NONO: variants seen among roughly 807,000 people sequenced by gnomAD.
NONO encodes the protein non-POU domain-containing octamer-binding protein.
A neutral mutation model predicts 40.2 loss-of-function variants in NONO; 6 were observed. The ratio of observed to expected loss-of-function variants is 0.15; its 90% CI spans 0.08 to 0.29. The LOEUF (loss-of-function observed/expected upper bound fraction) is 0.29. Among genes scored for constraint, NONO ranks in the 10% least tolerant of loss-of-function variants. The pLI, the probability that NONO is intolerant of heterozygous loss-of-function variation, is 1.00. For synonymous variants in NONO, 89 were observed against 123.3 expected, an observed-to-expected ratio of 0.72 and a Z score of 1.85; for missense variants, 133 against 397.8, an observed-to-expected ratio of 0.33 and a Z score of 5.66.
chrX:71,300,275 T>G lies in NONO; in HGVS notation c.*199T>G, dbSNP rs2031550545. 2.2e-6 allele frequency: 1 copy of G among 452,448 alleles called. No individual in the cohort carries two copies. The highest frequency in any genetic ancestry group is 3.8e-6 in the Non-Finnish European group (1 of 263,238). The allele number at this position is 452,448 out of a possible 1,213,427, so 37.3% of individuals were successfully genotyped here. A position where few individuals can be genotyped will look rare whatever the true frequency, so the allele number is the denominator to read the frequency against. On this transcript the variant is annotated 3_prime_UTR_variant, in exon 12 of 12. Transcript: ENST00000276079. Reference sequence around the variant, plus strand: ...CAAGTCAATTCTGTGTGGTATATTGTTTAATCAGTTCTGTGTGGTGCATTC... The same window carrying G: ...CAAGTCAATTCTGTGTGGTATATTGGTTAATCAGTTCTGTGTGGTGCATTC...
chrX:71,292,053 G>C, intron 4 of NONO, 81 bp downstream of exon 4: 2 of 670,178 alleles, frequency 3.0e-6, no homozygotes, highest in Non-Finnish European at 4.4e-6. Context: ...AATAGGCAGT[G>C]GAAATAATTC....
rs938774543 is a variant in NONO, at chrX:71,283,701, G to T, written c.-87G>T. 1 of 111,413 alleles carries T rather than the reference G, an allele frequency of 9.0e-6. No individual in the cohort carries two copies. The highest frequency in any genetic ancestry group is 1.9e-5 in the Non-Finnish European group (1 of 52,972). The allele number at this position is 111,413 out of a possible 1,213,427, so 9.2% of individuals were successfully genotyped here. ...CCGTGTAGCGTCGCCGTTACTCCGAGGAGATACCAGTCGGTAGAGGGTGAG... is the reference window on the plus strand; with the variant it reads ...CCGTGTAGCGTCGCCGTTACTCCGATGAGATACCAGTCGGTAGAGGGTGAG... On this transcript the variant is annotated 5_prime_UTR_variant, in exon 1 of 12. It adds an upstream start codon to the 5' untranslated region. Transcript: ENST00000276079.
rs1275698961 is a variant in NONO at position 71,300,722 on chromosome X, C to G, written c.*646C>G. ...CTTAGCCCCATTGCTCCATTCACTC[C>G]CAGGTGAGAATTCAGGCAAACGTCC... On this transcript the variant is annotated 3_prime_UTR_variant, in exon 12 of 12. Coordinates refer to ENST00000276079, the MANE Select transcript of NONO (RefSeq NM_007363.5). The G allele has an allele frequency of 5.7e-6, 1 of 175,601 alleles. No homozygotes were observed. The highest frequency in any genetic ancestry group is 1.1e-5 in the Non-Finnish European group (1 of 92,318). 14.5% of individuals were successfully genotyped at this position (175,601 alleles called of 1,213,427 possible).
At chrX:71,299,141 CG>C (rs1417144953) in intron 11 of NONO, among the ~76,000 whole-genome samples, 3 of 111,617 alleles carry the variant, frequency 2.7e-5, no homozygotes, top group Admixed American at 9.5e-5. Flanking sequence ...AGGCTGGTCT[CG>C]AACTCCTGAC....
Position 71,294,455 on chromosome X carries a change from G to A in NONO, c.577G>A (p.Val193Ile). 8.3e-7 allele frequency: 1 copy of A among 1,212,026 alleles called. No homozygotes were observed. Among genetic ancestry groups the A allele is most frequent in the Non-Finnish European group, 1.1e-6 (1 of 895,533 alleles). The change falls in exon 5 of 12, where the codon GTT becomes ATT. Residue 193 changes from valine to isoleucine, a missense_variant. Coordinates refer to ENST00000276079, the MANE Select transcript of NONO (RefSeq NM_007363.5). Reference sequence around the variant, plus strand: ...AGGAAGGCCCTCAGGAAAAGGCATTGTTGAGTTCTCAGGGAAGCCAGCTGC... The same window carrying A: ...AGGAAGGCCCTCAGGAAAAGGCATTATTGAGTTCTCAGGGAAGCCAGCTGC... ...DRGRPSGKGI[V>I]EFSGKPAARK...
chrX:71,294,163 T>G, intron 4 of NONO, 64 bp from the exon 5 acceptor site: 10 of 1,076,406 alleles, frequency 9.3e-6, no homozygotes, highest in Non-Finnish European at 1.3e-5. Context: ...TGCTTTAGAC[T>G]GTTGATGGCT....
At chrX:71,299,232 T>TCTTG (rs1343231317) in intron 11 of NONO, among the ~76,000 whole-genome samples, 1 of 112,381 alleles carries the variant, frequency 8.9e-6, no homozygotes, top group Non-Finnish European at 1.9e-5. Context: ...GTCAGGCTGT[T>TCTTG]CTTGAACTCC....
intron 3 of NONO, 96 bp downstream of exon 3, chrX:71,290,887 C>A: frequency 2.2e-6 from 2 of 908,963 alleles, no homozygotes; most frequent in Non-Finnish European, 3.0e-6. Flanking sequence ...AGGGAATAGG[C>A]CTTTATGGCA....
intron 2 of NONO, among the ~76,000 whole-genome samples, chrX:71,285,675 A>G (rs2031172816): frequency 8.9e-6 from 1 of 112,164 alleles, no homozygotes; most frequent in Admixed American, 9.5e-5. Context: ...CATTAGCAGA[A>G]ATGAGGAAAC....
intron 3 of NONO, 35 bp downstream of exon 3, chrX:71,290,826 T>G: frequency 1.8e-6 from 2 of 1,101,560 alleles, no homozygotes; most frequent in Admixed American, 3.7e-5. Context: ...TAGAAATGGA[T>G]TCCCTCTGGG....
At position 71,300,525 on chromosome X, in the gene NONO, C is replaced by A. The variant is rs2031560382; in HGVS notation, c.*449C>A. The A allele has an allele frequency of 4.8e-6, 1 of 207,519 alleles. No homozygotes were observed. The highest frequency in any genetic ancestry group is 8.8e-6 in the Non-Finnish European group (1 of 113,640). 17.1% of individuals were successfully genotyped at this position (207,519 alleles called of 1,213,427 possible). On this transcript the variant is annotated 3_prime_UTR_variant, in exon 12 of 12. Coordinates refer to ENST00000276079, the MANE Select transcript of NONO (RefSeq NM_007363.5). ...TCTGCCTCCCGGGTTCAAGCTTGTC[C>A]AGGTTGATCTTGAACTCCTGACCTC...
At chrX:71,289,669 A>G (rs924701888) in intron 2 of NONO, among the ~76,000 whole-genome samples, 2 of 111,376 alleles carry the variant, frequency 1.8e-5, no homozygotes, top group Admixed American at 9.6e-5. Context: ...TGGCACAGTC[A>G]TGGCTTATTA....
chrX:71,286,118 G>A (rs967392885), intron 2 of NONO, among the ~76,000 whole-genome samples: 8 of 110,648 alleles, frequency 7.2e-5, no homozygotes, highest in Non-Finnish European at 1.1e-4. Context: ...AATACATTTT[G>A]TAATAAGTAT....
Position 71,296,551 on chromosome X carries a change from G to A in NONO, c.651-14G>A. On this transcript the variant is annotated splice_polypyrimidine_tract_variant and intron_variant, in intron 5 of 11. Coordinates refer to ENST00000276079, the MANE Select transcript of NONO (RefSeq NM_007363.5). ...TATGATTTGATTAACACTGAACTTT[G>A]TTCTTTCTTCCAGATTTCCTCGTCC... 8.6e-7 allele frequency: 1 copy of A among 1,160,086 alleles called. No homozygotes were observed. Among genetic ancestry groups the A allele is most frequent in the Non-Finnish European group, 1.2e-6 (1 of 855,222 alleles).
At chrX:71,288,947 C>A (rs2031261417) in intron 2 of NONO, among the ~76,000 whole-genome samples, 1 of 112,200 alleles carries the variant, frequency 8.9e-6, no homozygotes, top group South Asian at 3.6e-4. Flanking sequence ...AACCTCACAG[C>A]CCATACTAGT....
intron 4 of NONO, among the ~76,000 whole-genome samples, chrX:71,293,686 C>T (rs1325350338): frequency 2.7e-5 from 3 of 109,319 alleles, no homozygotes; most frequent in Non-Finnish European, 3.8e-5. Flanking sequence ...TGCTGGAGTG[C>T]GGTGGCGTGA....
At chrX:71,284,521 C>T (rs1460487324) in intron 2 of NONO, 68 bp downstream of exon 2, 1 of 111,679 alleles carries the variant, frequency 9.0e-6, no homozygotes, top group African/African-American at 3.3e-5. Context: ...AGAATTTCAC[C>T]TACACAACCA....
chrX:71,285,867 G>A (rs1354461548), intron 2 of NONO, among the ~76,000 whole-genome samples: 1 of 111,936 alleles, frequency 8.9e-6, no homozygotes, highest in South Asian at 3.6e-4. Context: ...TAGGGACTTG[G>A]TTGACAACTG....
intron 5 of NONO, among the ~76,000 whole-genome samples, chrX:71,295,311 C>G (rs2031417190): frequency 9.1e-6 from 1 of 109,528 alleles, no homozygotes. Flanking sequence ...ACGGTGAAAC[C>G]CCGTCTCTAC....
Sources: gnomAD v4.1 joint callset for allele counts (sites outside exome capture counted in the v4.1 genomes callset) on GRCh38, gnomAD v4.1.1 for gene constraint, MANE v1.5 for transcripts, NCBI Gene and HGNC (gene_info 2026-07-23, HGNC 2026-07-21) for gene names.